Variants in RGS12 observed in about 807,000 individuals in gnomAD.
RGS12 encodes regulator of G protein signaling 12.
RGS12 carries 66 observed loss-of-function variants against 120.1 expected under a neutral mutation model. The observed-to-expected ratio is 0.55, with a 90% CI of 0.45 to 0.67. The LOEUF is 0.67. Ranked by LOEUF, RGS12 falls within the 30% of genes least tolerant of loss-of-function variation. RGS12 has a pLI of 0.00. For missense variants in RGS12, 1,859 were observed against 1,957.7 expected, an observed-to-expected ratio of 0.95 and a Z score of 0.95; for synonymous variants, 827 against 804.7, an observed-to-expected ratio of 1.03 and a Z score of -0.47.
chr4:3,297,536 C>T (rs1231905447), intron 1 of RGS12, among the ~76,000 whole-genome samples: 1 of 152,200 alleles, frequency 6.6e-6, no homozygotes. Context: ...TTGGTGAAAT[C>T]GACAGTCCTT....
chr4:3,391,437 A>G (rs1444345812), intron 4 of RGS12, among the ~76,000 whole-genome samples: 1 of 152,214 alleles, frequency 6.6e-6, no homozygotes, highest in East Asian at 1.9e-4. Flanking sequence ...CTGCATACCT[A>G]TCTTCCAGAG....
intron 3 of RGS12, among the ~76,000 whole-genome samples, chr4:3,363,674 C>T (rs1051629719): frequency 4.6e-5 from 7 of 151,752 alleles, no homozygotes; most frequent in Admixed American, 6.6e-5. Context: ...GAGGCGGCAG[C>T]GCGTGGACCT....
At chr4:3,403,078 G>A (rs936003212) in intron 4 of RGS12, among the ~76,000 whole-genome samples, 1 of 152,168 alleles carries the variant, frequency 6.6e-6, no homozygotes, top group Non-Finnish European at 1.5e-5. Flanking sequence ...ACCTTCGCAG[G>A]AGCCGCTCTG....
intron 3 of RGS12, among the ~76,000 whole-genome samples, chr4:3,355,419 T>TA (rs1403732473): frequency 6.6e-6 from 1 of 152,128 alleles, no homozygotes; most frequent in Admixed American, 6.5e-5. Flanking sequence ...AACAAAAGTT[T>TA]AAAAAGCTTG....
At chr4:3,432,540 A>G (rs550967095) in intron 17 of RGS12, among the ~76,000 whole-genome samples, 15 of 152,344 alleles carry the variant, frequency 9.8e-5, no homozygotes, top group African/African-American at 3.1e-4. Context: ...TGGGAGGGCC[A>G]GACAGACCCA....
chr4:3,381,038 T>C (rs1240762144), intron 3 of RGS12, among the ~76,000 whole-genome samples: 1 of 152,260 alleles, frequency 6.6e-6, no homozygotes, highest in Non-Finnish European at 1.5e-5. Flanking sequence ...CTTTGCTGCT[T>C]AGAAATTTCT....
At position 3,374,280 on chromosome 4, in the gene RGS12, C is replaced by T. The variant is rs189521502; in HGVS notation, c.1999-12136C>T. Among the ~76,000 whole-genome samples the T allele has an allele frequency of 3.0e-3, 455 of 152,360 alleles. 1 individual carries two copies. The highest frequency in any genetic ancestry group is 0.01 in the African/African-American group (423 of 41,590). On this transcript the variant is annotated intron_variant, in intron 3 of 17. Transcript: ENST00000336727. The surrounding 1 kb of genome is among the most constrained non-coding windows in gnomAD (Gnocchi z 6.3). ...AGCTTGCCTTGGGCTTCTGCAGCAG[C>T]GCCCTCCGGGTTCCCCTCCTCTCCT...
rs535746444 is a variant in RGS12 at position 3,315,316 on chromosome 4, C to T, written c.-101-754C>T. 9.2e-5 allele frequency among the ~76,000 whole-genome samples: 14 copies of T among 152,294 alleles called. No individual in the cohort carries two copies. In the East Asian group the frequency reaches 9.6e-4, roughly 10 times the overall value. On this transcript the variant is annotated intron_variant, in intron 1 of 17. Transcript: ENST00000336727. ...GAATCACTGGCCTGGGGGTGATCCG[C>T]GGACCACTGACAAGTTTGTTCTCAA...
chr4:3,408,646 C>T (rs1242110228), intron 4 of RGS12, among the ~76,000 whole-genome samples: 1 of 152,150 alleles, frequency 6.6e-6, no homozygotes, highest in Non-Finnish European at 1.5e-5. Context: ...GGTCCACGTG[C>T]CCAGCAGGTC....
At chr4:3,439,405 G>C (rs772319291) in intron 17 of RGS12, 50 bp from the exon 18 acceptor site, 3 of 1,599,358 alleles carry the variant, frequency 1.9e-6, no homozygotes. Flanking sequence ...GGGTTCCGGG[G>C]GCCCAGGGCC....
Position 3,422,540 on chromosome 4 carries a change from C to A in RGS12, c.3003C>A (p.Ala1001=). Reference sequence around the variant, plus strand: ...AGCGGCATGGCATCAACGGGGCGGCCGCGGACCTCTTCCTGGTGGGCGGGG... The same window carrying A: ...AGCGGCATGGCATCAACGGGGCGGCAGCGGACCTCTTCCTGGTGGGCGGGG... ...LCERHGINGA[A]ADLFLVGGDK... Residue 1001 remains alanine, a synonymous_variant, in exon 11 of 18, where the codon GCC becomes GCA. Coordinates refer to ENST00000336727, the MANE Select transcript of RGS12 (RefSeq NM_001394154.1). The A allele has an allele frequency of 6.2e-7, 1 of 1,612,674 alleles. No homozygotes were observed. Among genetic ancestry groups the A allele is most frequent in the Admixed American group, 1.7e-5 (1 of 60,030 alleles).
intron 1 of RGS12, among the ~76,000 whole-genome samples, chr4:3,294,451 A>G (rs35825779): frequency 0.043 from 6,551 of 152,338 alleles, 171 homozygotes; most frequent in South Asian, 0.094. Context: ...TTCACTTTAG[A>G]AAGTAATTGT....
At chr4:3,370,487 G>T (rs779502289) in intron 3 of RGS12, among the ~76,000 whole-genome samples, 1 of 152,234 alleles carries the variant, frequency 6.6e-6, no homozygotes, top group Non-Finnish European at 1.5e-5. Flanking sequence ...AGCGAGTGCT[G>T]CGGGGGCTCA....
intron 3 of RGS12, among the ~76,000 whole-genome samples, chr4:3,370,614 G>A (rs1716879329): frequency 6.6e-6 from 1 of 152,258 alleles, no homozygotes; most frequent in East Asian, 1.9e-4. Context: ...AGCGTCAGAT[G>A]TTTTTCCTTT....
Position 3,430,589 on chromosome 4 carries a change from G to A in RGS12, c.3748G>A (p.Gly1250Ser), listed in dbSNP as rs1367204074. 32 of 1,612,404 alleles carry A rather than the reference G, an allele frequency of 2.0e-5. No individual in the cohort carries two copies. The highest frequency in any genetic ancestry group is 2.4e-5 in the Non-Finnish European group (28 of 1,179,828). The change falls in exon 17 of 18, where the codon GGC becomes AGC. Residue 1250 changes from glycine to serine, a missense_variant. Gly to Ser is a moderately conservative substitution (Grantham distance 56, BLOSUM62 0). This residue lies in a region of RGS12 where 517 missense variants were observed against 488.5 expected (regional missense o/e 1.06). Coordinates refer to ENST00000336727, the MANE Select transcript of RGS12 (RefSeq NM_001394154.1). ...TAGCAAGAGAAGCGCCACAGGCAAC[G>A]GCCGGGAGAGCGCCTCCCAGCCTGG... ...GFSKRSATGN[G>S]RESASQPGEQ...
chr4:3,291,632 T>C (rs1304298700), upstream of RGS12, among the ~76,000 whole-genome samples: 5 of 152,064 alleles, frequency 3.3e-5, no homozygotes, highest in African/African-American at 1.2e-4. Context: ...CTGGCACGAG[T>C]CACCGCGCCT....
chr4:3,310,167 C>CCG (rs1724289944), intron 1 of RGS12, among the ~76,000 whole-genome samples: 1 of 57,838 alleles, frequency 1.7e-5, no homozygotes, highest in Non-Finnish European at 3.6e-5. Context: ...CTGAGGGGAA[C>CCG]TGTGTTGAGG....
chr4:3,430,744 T>G lies in RGS12; in HGVS notation c.3903T>G (p.Thr1301=). ...AGTCTCCCAGCGGGCCCTTCTGCACTCCCCAGTCCCCCGTCTCCCTCGCGC... is the reference window on the plus strand; with the variant it reads ...AGTCTCCCAGCGGGCCCTTCTGCACGCCCCAGTCCCCCGTCTCCCTCGCGC... ...GQKSPSGPFC[T]PQSPVSLAQE... The change falls in exon 17 of 18, where the codon ACT becomes ACG. Residue 1301 remains threonine (T), a synonymous_variant. Coordinates refer to ENST00000336727, the MANE Select transcript of RGS12 (RefSeq NM_001394154.1). 1.9e-6 allele frequency: 3 copies of G among 1,602,842 alleles called. No individual in the cohort carries two copies. The highest frequency in any genetic ancestry group is 2.6e-6 in the Non-Finnish European group (3 of 1,174,646).
chr4:3,364,991 G>A (rs1716148620), intron 3 of RGS12, among the ~76,000 whole-genome samples: 1 of 152,124 alleles, frequency 6.6e-6, no homozygotes. Flanking sequence ...GTCACTGGAT[G>A]GAGCCTCCTG....
Sources: gnomAD v4.1 joint callset for allele counts (sites outside exome capture counted in the v4.1 genomes callset) on GRCh38, gnomAD v4.1.1 for gene constraint, gnomAD v4.1.1 regional missense constraint, Gnocchi (gnomAD v3.1) non-coding constraint, MANE v1.5 for transcripts, NCBI Gene and HGNC (gene_info 2026-07-23, HGNC 2026-07-21) for gene names.